The following MYO9A variants were observed in gnomAD, a reference collection of about 807,000 sequenced individuals.
MYO9A encodes myosin IXA.
MYO9A carries 103 observed loss-of-function variants against 293.3 expected under a neutral mutation model. That is an observed-to-expected ratio of 0.35 (90% CI 0.30 to 0.41). The LOEUF (loss-of-function observed/expected upper bound fraction) is 0.41. Ranked by LOEUF, MYO9A falls within the 10% of genes least tolerant of loss-of-function variation. MYO9A has a pLI of 1.00. For missense variants in MYO9A, 2,685 were observed against 3,033.0 expected (o/e 0.89, Z 2.69); for synonymous variants, 1,001 against 1,035.7 (o/e 0.97, Z 0.64).
intron 14 of MYO9A, among the ~76,000 whole-genome samples, chr15:71,952,524 A>G (rs2059075292): frequency 6.6e-6 from 1 of 152,220 alleles, no homozygotes; most frequent in South Asian, 2.1e-4. Context: ...AAAATAGAAG[A>G]GAGCACATTC....
Position 71,854,555 on chromosome 15 carries a change from C to G in MYO9A, c.6168G>C (p.Leu2056=). The part of the protein sequence containing the change: ...AKCSKKYDPE[L]SSRQFGVELS... ...GTTCAACCCCAAATTGTCGAGATGACAGCTCTGGATCATACTAAATGAAAG... is the reference window on the plus strand; with the variant it reads ...GTTCAACCCCAAATTGTCGAGATGAGAGCTCTGGATCATACTAAATGAAAG... Residue 2056 remains leucine (L), a synonymous_variant, in exon 35 of 42, where the codon CTG becomes CTC. Transcript: ENST00000356056. 1 of 1,604,232 alleles carries G rather than the reference C, an allele frequency of 6.2e-7. No individual in the cohort carries two copies.
intron 15 of MYO9A, 32 bp from the exon 16 acceptor site, chr15:71,938,959 A>G: frequency 6.6e-7 from 1 of 1,518,636 alleles, no homozygotes; most frequent in East Asian, 2.3e-5. Context: ...AAAATTTCAA[A>G]TCAGTGCAAA....
At chr15:72,115,295 T>A (rs2080931148) in intron 1 of MYO9A, among the ~76,000 whole-genome samples, 1 of 152,222 alleles carries the variant, frequency 6.6e-6, no homozygotes, top group East Asian at 1.9e-4. Context: ...CAGAACCTGA[T>A]ACTGAGCTTC....
chr15:72,023,727 G>C (rs1456387069), intron 4 of MYO9A, among the ~76,000 whole-genome samples: 1 of 146,026 alleles, frequency 6.8e-6, no homozygotes, highest in Non-Finnish European at 1.5e-5. Flanking sequence ...AAGAAAAAAA[G>C]GCTCCTATAC....
chr15:71,979,864 T>G (rs965659359), intron 11 of MYO9A, among the ~76,000 whole-genome samples: 1 of 152,180 alleles, frequency 6.6e-6, no homozygotes, highest in African/African-American at 2.4e-5. Context: ...TCTGCTTAAG[T>G]AGGTATAGAG....
Position 71,893,803 on chromosome 15 carries a change from A to G in MYO9A, c.5043-25T>C, listed in dbSNP as rs755826770. ...ACTTTAAATAAAACAATGAAATTAC[A>G]TTTCAGTTCTTAGCAGATATCCCAT... On this transcript the variant is annotated intron_variant, in intron 25 of 41. Transcript: ENST00000356056. 32 of 1,585,604 alleles carry G rather than the reference A, an allele frequency of 2.0e-5. No homozygotes were observed. In the Admixed American group the frequency reaches 4.3e-4, roughly 22 times the overall value.
At chr15:71,897,419 C>A in intron 25 of MYO9A, 42 bp downstream of exon 25, 1 of 1,531,952 alleles carries the variant, frequency 6.5e-7, no homozygotes, top group South Asian at 1.3e-5. Context: ...AAAAATACTC[C>A]AAGAAGTTTC....
At chr15:71,849,851 A>G (rs1215605781) in intron 38 of MYO9A, among the ~76,000 whole-genome samples, 185 bp downstream of exon 38, 1 of 152,178 alleles carries the variant, frequency 6.6e-6, no homozygotes, top group African/African-American at 2.4e-5. Flanking sequence ...ATGCTTTAAG[A>G]CAAATGATGC....
intron 2 of MYO9A, chr15:72,039,981 G>A (rs893794398): frequency 2.0e-4 from 37 of 189,714 alleles, no homozygotes; most frequent in East Asian, 1.8e-3. Context: ...CCTGGAAGCT[G>A]GGAAATAACC....
chr15:72,050,558 G>A (rs2078527568), intron 1 of MYO9A, among the ~76,000 whole-genome samples: 1 of 152,128 alleles, frequency 6.6e-6, no homozygotes, highest in South Asian at 2.1e-4. Context: ...AGTGAGCCAA[G>A]ATCATGCCAC....
At chr15:71,849,931 A>G in intron 38 of MYO9A, 105 bp downstream of exon 38, 1 of 1,423,396 alleles carries the variant, frequency 7.0e-7, no homozygotes, top group Non-Finnish European at 9.7e-7. Context: ...CTTCTTAAAA[A>G]CACCTGAATT....
chr15:71,897,641 G>T lies in MYO9A; in HGVS notation c.4862C>A (p.Ser1621Tyr). ...CTGGGTGCCCATTCTGTCTGTCTTG[G>T]ATAATTCCTTGACAGTACTAGATTG... is the stretch of plus-strand genomic sequence containing the variant. ...PCQSSTVKEL[S>Y]KTDRMGTQLN... Residue 1621 changes from serine (S) to tyrosine (Y), a missense_variant, in exon 25 of 42, where the codon TCC becomes TAC. By Grantham distance (144) the Ser-to-Tyr change is moderately radical. Transcript: ENST00000356056. The T allele has an allele frequency of 6.2e-7, 1 of 1,614,096 alleles. No individual in the cohort carries two copies. The highest frequency in any genetic ancestry group is 8.5e-7 in the Non-Finnish European group (1 of 1,180,012).
chr15:71,879,904 G>C (rs889869818), intron 29 of MYO9A, 67 bp from the exon 30 acceptor site: 2 of 1,073,902 alleles, frequency 1.9e-6, no homozygotes, highest in African/African-American at 3.1e-5. Flanking sequence ...ACAACAGTAG[G>C]CATGTATTGT....
intron 39 of MYO9A, among the ~76,000 whole-genome samples, chr15:71,833,642 C>G (rs187554868): frequency 6.6e-6 from 1 of 151,944 alleles, no homozygotes; most frequent in Non-Finnish European, 1.5e-5. Flanking sequence ...CATTTTAAAG[C>G]GCACACAGCA....
Position 72,118,013 on chromosome 15 carries a change from G to A in MYO9A, c.-405C>T, listed in dbSNP as rs1467956341. ...CCTCCGCCGCCGCCTCTCGCAGTCC[G>A]GGCTGTCCTGTACTCTCTCAACAGA... On this transcript the variant is annotated 5_prime_UTR_variant, in exon 1 of 42. Coordinates refer to ENST00000356056, the MANE Select transcript of MYO9A (RefSeq NM_006901.4). 5.0e-6 allele frequency: 2 copies of A among 398,398 alleles called. No homozygotes were observed. The highest frequency in any genetic ancestry group is 1.3e-4 in the South Asian group (1 of 7,898). 24.7% of individuals were successfully genotyped at this position (398,398 alleles called of 1,614,324 possible).
At chr15:71,914,138 TGCC>T (rs1272290110) in intron 19 of MYO9A, among the ~76,000 whole-genome samples, 1 of 152,170 alleles carries the variant, frequency 6.6e-6, no homozygotes, top group African/African-American at 2.4e-5. Context: ...AAATTCTAGT[TGCC>T]TCTACCTTTC....
In MYO9A at chr15:71,868,890, A is replaced by G. The variant is rs548727560; in HGVS notation, c.5980-6279T>C. ...AGAAAAAACACTGTAAAAATAAATT[A>G]TATCAGTGCAGGCTAAGGAATTCTT... On this transcript the variant is annotated intron_variant, in intron 32 of 41. Transcript: ENST00000356056. 7.2e-5 allele frequency among the ~76,000 whole-genome samples: 11 copies of G among 152,318 alleles called. No homozygotes were observed. The South Asian group carries it at 1.7e-3, about 23-fold the overall frequency.
chr15:72,003,846 A>C (rs776810757), intron 8 of MYO9A, among the ~76,000 whole-genome samples: 77 of 152,238 alleles, frequency 5.1e-4, no homozygotes, highest in Non-Finnish European at 9.0e-4. Flanking sequence ...AACAAATAAA[A>C]GACATCAAAT....
chr15:71,897,988 C>T lies in MYO9A; in HGVS notation c.4515G>A (p.Gln1505=), dbSNP rs2057379812. The change falls in exon 25 of 42, where the codon CAG becomes CAA. Residue 1505 remains glutamine (Q), a synonymous_variant. Coordinates refer to ENST00000356056, the MANE Select transcript of MYO9A (RefSeq NM_006901.4). ...CCATCATCTCTTTTTCATTCTGTTG[C>T]TGCAACTGTTTTTGCCTTTCTTCCT... The part of the protein sequence containing the change: ...TEKEERQKQL[Q]QQNEKEMMEQ... 11 of 1,614,130 alleles carry T rather than the reference C, an allele frequency of 6.8e-6. No individual in the cohort carries two copies. Among genetic ancestry groups the T allele is most frequent in the African/African-American group, 1.3e-5 (1 of 75,044 alleles).
Sources: allele counts gnomAD v4.1 joint callset (sites outside exome capture counted in the v4.1 genomes callset), GRCh38; gene constraint gnomAD v4.1.1; transcripts MANE v1.5; gene names NCBI Gene and HGNC (gene_info 2026-07-23, HGNC 2026-07-21).